COL25A1: variants seen among roughly 807,000 people sequenced by gnomAD.
COL25A1 encodes the protein collagen alpha-1(XXV) chain.
In COL25A1, 103 loss-of-function variants were observed where a neutral mutation model predicts 128.4. The observed-to-expected ratio is 0.80, with a 90% CI of 0.68 to 0.94. COL25A1 has a LOEUF of 0.94. COL25A1 is among the 40% of genes least tolerant of loss of function. The probability of loss-of-function intolerance (pLI) is 0.00; values close to 1 mark genes in which losing one functional copy is unlikely to be tolerated. For missense variants in COL25A1, 745 were observed against 840.0 expected, an observed-to-expected ratio of 0.89 and a Z score of 1.40; for synonymous variants, 279 against 277.2, an observed-to-expected ratio of 1.01 and a Z score of -0.06.
chr4:109,033,950 G>A (rs1759103042), intron 5 of COL25A1, among the ~76,000 whole-genome samples: 1 of 152,006 alleles, frequency 6.6e-6, no homozygotes, highest in Admixed American at 6.6e-5. Flanking sequence ...CCTCTCAATT[G>A]TATTGACACT....
chr4:109,214,385 T>C (rs1056793179), intron 3 of COL25A1, among the ~76,000 whole-genome samples: 1 of 152,082 alleles, frequency 6.6e-6, no homozygotes, highest in African/African-American at 2.4e-5. Flanking sequence ...TTTATATACA[T>C]GGTCTATGGG....
intron 3 of COL25A1, among the ~76,000 whole-genome samples, chr4:109,089,960 A>G (rs1764753494): frequency 6.6e-6 from 1 of 152,048 alleles, no homozygotes; most frequent in South Asian, 2.1e-4. Flanking sequence ...AAATTCAATT[A>G]AAGTGACATA....
At chr4:108,849,149 T>C (rs1735464955) in intron 26 of COL25A1, among the ~76,000 whole-genome samples, 1 of 152,132 alleles carries the variant, frequency 6.6e-6, no homozygotes. Context: ...AGTTAGTTAA[T>C]TTTTTTCTCC....
At chr4:108,842,515 G>A (rs1734565353) in intron 30 of COL25A1, among the ~76,000 whole-genome samples, 1 of 152,124 alleles carries the variant, frequency 6.6e-6, no homozygotes, top group Non-Finnish European at 1.5e-5. Context: ...TTGGAGAAAG[G>A]AGTATTTAAA....
At chr4:109,100,094 T>C (rs1236222790) in intron 3 of COL25A1, among the ~76,000 whole-genome samples, 1 of 152,110 alleles carries the variant, frequency 6.6e-6, no homozygotes, top group South Asian at 2.1e-4. Flanking sequence ...ATCCATACAC[T>C]GCTGTAGGAG....
chr4:108,853,537 C>T (rs1406692384), intron 24 of COL25A1, among the ~76,000 whole-genome samples: 1 of 151,738 alleles, frequency 6.6e-6, no homozygotes, highest in Non-Finnish European at 1.5e-5. Flanking sequence ...ATTTATTATA[C>T]TTAAGTTCTG....
chr4:109,059,866 C>T (rs1277716647), intron 3 of COL25A1, among the ~76,000 whole-genome samples: 3 of 152,042 alleles, frequency 2.0e-5, no homozygotes. Flanking sequence ...AAATGGATGA[C>T]CTTTTTTTTT....
intron 3 of COL25A1, among the ~76,000 whole-genome samples, chr4:109,240,855 T>A (rs1166878076): frequency 6.6e-6 from 1 of 152,096 alleles, no homozygotes; most frequent in Non-Finnish European, 1.5e-5. Context: ...TTCATTAAGT[T>A]CAACAATTGT....
intron 32 of COL25A1, 81 bp from the exon 33 acceptor site, chr4:108,827,269 C>T: frequency 8.3e-7 from 1 of 1,205,576 alleles, no homozygotes; most frequent in East Asian, 2.3e-5. Flanking sequence ...TGTCTAAAGC[C>T]TCTATTTCAA....
chr4:108,860,808 C>A (rs1737114358), intron 23 of COL25A1, 119 bp downstream of exon 23: 3 of 858,592 alleles, frequency 3.5e-6, no homozygotes, highest in South Asian at 1.5e-5. Context: ...CAGTAGTCTA[C>A]CTCCAATACT....
At chr4:109,004,077 A>G (rs971631684) in intron 6 of COL25A1, among the ~76,000 whole-genome samples, 1 of 151,968 alleles carries the variant, frequency 6.6e-6, no homozygotes, top group South Asian at 2.1e-4. Flanking sequence ...TTTTCATTCT[A>G]ATACCCTTTC....
intron 5 of COL25A1, among the ~76,000 whole-genome samples, chr4:109,033,801 T>C (rs183583063): frequency 1.6e-4 from 25 of 152,300 alleles, no homozygotes; most frequent in African/African-American, 5.8e-4. Flanking sequence ...ATCAATCTTA[T>C]ATCATTACAT....
At chr4:109,095,760 G>A (rs1420020125) in intron 3 of COL25A1, among the ~76,000 whole-genome samples, 1 of 152,146 alleles carries the variant, frequency 6.6e-6, no homozygotes, top group Non-Finnish European at 1.5e-5. Context: ...GTAAAACAAG[G>A]CCTAGCTGGA....
At chr4:109,138,576 T>C (rs1370348731) in intron 3 of COL25A1, among the ~76,000 whole-genome samples, 1 of 152,266 alleles carries the variant, frequency 6.6e-6, no homozygotes, top group East Asian at 1.9e-4. Flanking sequence ...TCTTCCACAA[T>C]GGTTGAACTA....
At chr4:109,147,054 A>C (rs1771010817) in intron 3 of COL25A1, among the ~76,000 whole-genome samples, 1 of 152,230 alleles carries the variant, frequency 6.6e-6, no homozygotes, top group African/African-American at 2.4e-5. Flanking sequence ...CTATGAGAGG[A>C]GGCTTTGGCA....
chr4:109,268,555 A>C (rs1297944), intron 3 of COL25A1, among the ~76,000 whole-genome samples: 66,653 of 151,984 alleles, frequency 0.44, 16,284 homozygotes, highest in African/African-American at 0.67. Flanking sequence ...ACCTGTGTAA[A>C]CCTTTTAAAA....
chr4:109,135,184 C>T lies in COL25A1; in HGVS notation c.368-85005G>A, dbSNP rs150686979. On this transcript the variant is annotated intron_variant, in intron 3 of 37. Coordinates refer to ENST00000399132, the MANE Select transcript of COL25A1 (RefSeq NM_198721.4). The stretch of plus-strand genomic sequence containing the variant: ...GGCTTTTGGTAGTAAGCTGGTCTTA[C>T]TGAGCTTTGCCAGATGTTCCATGAA... Among the ~76,000 whole-genome samples, 1,104 of 152,144 alleles carry T rather than the reference C, an allele frequency of 7.3e-3. 7 individuals carry two copies. Among genetic ancestry groups the T allele is most frequent in the African/African-American group, 0.025 (1,057 of 41,498 alleles).
chr4:108,917,602 G>A (rs1745020431), intron 13 of COL25A1, among the ~76,000 whole-genome samples: 1 of 152,178 alleles, frequency 6.6e-6, no homozygotes, highest in African/African-American at 2.4e-5. Flanking sequence ...ACATAGATAT[G>A]TGTATGTAGA....
At chr4:109,074,054 G>C (rs72670337) in intron 3 of COL25A1, among the ~76,000 whole-genome samples, 16,364 of 152,156 alleles carry the variant, frequency 0.11, 1,255 homozygotes, top group Admixed American at 0.27. Context: ...GTGGTTTTCG[G>C]ATCAAACTGT....
Sources: gnomAD v4.1 joint callset for allele counts (sites outside exome capture counted in the v4.1 genomes callset) on GRCh38, gnomAD v4.1.1 for gene constraint, MANE v1.5 for transcripts, NCBI Gene and HGNC (gene_info 2026-07-23, HGNC 2026-07-21) for gene names.